KLF8: variants seen among roughly 807,000 people sequenced by gnomAD.
KLF8 encodes KLF transcription factor 8.
KLF8 carries 10 observed loss-of-function variants against 18.2 expected under a neutral mutation model. The observed-to-expected ratio is 0.55, with a 90% confidence interval of 0.34 to 0.93. The LOEUF is 0.93. KLF8 is among the 40% of genes least tolerant of loss of function. The probability of loss-of-function intolerance (pLI) is 0.02; values close to 1 mark genes in which losing one functional copy is unlikely to be tolerated. For missense variants in KLF8, 264 were observed against 277.9 expected, an observed-to-expected ratio of 0.95 and a Z score of 0.36; for synonymous variants, 109 against 97.3, an observed-to-expected ratio of 1.12 and a Z score of -0.71.
intron 1 of KLF8, among the ~76,000 whole-genome samples, chrX:56,239,186 T>C (rs2066514738): frequency 8.9e-6 from 1 of 112,012 alleles, no homozygotes. Flanking sequence ...TATTATTTTA[T>C]GCATAATTGT....
intron 3 of KLF8, chrX:56,266,704 T>C: frequency 1.3e-6 from 1 of 754,176 alleles, no homozygotes; most frequent in East Asian, 1.5e-4. Flanking sequence ...AGGAAAATTA[T>C]GTGGCCTCTA....
the KLF8 span, among the ~76,000 whole-genome samples, chrX:56,156,124 A>G: frequency 8.9e-6 from 1 of 112,163 alleles, no homozygotes; most frequent in Non-Finnish European, 1.9e-5. Context: ...ATTCAACTTC[A>G]TGTGTCTTGT....
At chrX:55,972,808 C>T in the KLF8 span, among the ~76,000 whole-genome samples, 3 of 111,580 alleles carry the variant, frequency 2.7e-5, no homozygotes, top group Non-Finnish European at 5.7e-5. Flanking sequence ...ATTTACAGAT[C>T]GAATTCTATT....
At chrX:56,153,326 G>A in the KLF8 span, among the ~76,000 whole-genome samples, 2 of 109,197 alleles carry the variant, frequency 1.8e-5, no homozygotes, top group Non-Finnish European at 3.8e-5. Context: ...CTGCGCTCTT[G>A]CATGGGGAAC....
the KLF8 span, among the ~76,000 whole-genome samples, chrX:56,213,279 GTTTTCTTTTCTTTTCTTTTCTTTTC>G: frequency 2.4e-5 from 1 of 40,852 alleles, no homozygotes; most frequent in East Asian, 8.3e-4. Context: ...TTTTTCTTTT[GTTTTCTTTTCTTTTCTTTTCTTTTC>G]TTTTCTTTTC....
the KLF8 span, among the ~76,000 whole-genome samples, chrX:56,178,187 T>A: frequency 1.8e-5 from 2 of 112,406 alleles, no homozygotes; most frequent in Non-Finnish European, 3.8e-5. Flanking sequence ...CTTCTTCTGC[T>A]TCGCTCACGC....
At chrX:56,173,946 G>C in the KLF8 span, among the ~76,000 whole-genome samples, 2 of 112,000 alleles carry the variant, frequency 1.8e-5, no homozygotes, top group African/African-American at 6.5e-5. Flanking sequence ...CATTGATTTT[G>C]TATCCTGAGA....
the KLF8 span, among the ~76,000 whole-genome samples, chrX:55,919,530 G>A: frequency 1.8e-5 from 2 of 111,715 alleles, no homozygotes; most frequent in African/African-American, 6.5e-5. Flanking sequence ...TGTTGGCGGG[G>A]GCATGGGGGA....
the KLF8 span, among the ~76,000 whole-genome samples, chrX:56,061,926 CT>C: frequency 1.9e-5 from 2 of 103,300 alleles, no homozygotes; most frequent in African/African-American, 7.9e-5. Flanking sequence ...TGTTCTTGGC[CT>C]TTTTTGATGT....
chrX:55,932,881 G>A, the KLF8 span, among the ~76,000 whole-genome samples: 1 of 111,318 alleles, frequency 9.0e-6, no homozygotes, highest in African/African-American at 3.3e-5. Context: ...TCTTTGTGGT[G>A]TGCACTGTAT....
the KLF8 span, among the ~76,000 whole-genome samples, chrX:56,154,060 C>T: frequency 9.0e-6 from 1 of 111,194 alleles, no homozygotes; most frequent in Non-Finnish European, 1.9e-5. Context: ...TGACTTTCTT[C>T]ACAGAATTGG....
chrX:55,947,333 T>C, the KLF8 span, among the ~76,000 whole-genome samples: 1 of 109,753 alleles, frequency 9.1e-6, no homozygotes, highest in Admixed American at 9.7e-5. Context: ...TCATGTCCTT[T>C]GTAGGGACAT....
At chrX:56,002,602 A>C in the KLF8 span, among the ~76,000 whole-genome samples, 4 of 111,943 alleles carry the variant, frequency 3.6e-5, no homozygotes, top group African/African-American at 1.3e-4. Context: ...AGGTATTCTT[A>C]AGCACCTATG....
the KLF8 span, among the ~76,000 whole-genome samples, chrX:55,989,162 A>G: frequency 9.0e-6 from 1 of 111,705 alleles, no homozygotes; most frequent in East Asian, 2.8e-4. Context: ...GGACAATTTG[A>G]CTTCCTCTTT....
At chrX:56,049,782 A>T in the KLF8 span, among the ~76,000 whole-genome samples, 24 of 110,680 alleles carry the variant, frequency 2.2e-4, no homozygotes, top group African/African-American at 7.6e-4. Context: ...CTGGCCTCAT[A>T]AAATGAGTTA....
At chrX:56,195,197 C>A in the KLF8 span, among the ~76,000 whole-genome samples, 1 of 112,296 alleles carries the variant, frequency 8.9e-6, no homozygotes, top group African/African-American at 3.2e-5. Flanking sequence ...CACAGCTCCT[C>A]AACAGCAACA....
intron 5 of KLF8, among the ~76,000 whole-genome samples, chrX:56,273,340 T>C (rs1039294565): frequency 9.4e-6 from 1 of 106,249 alleles, no homozygotes; most frequent in Non-Finnish European, 1.9e-5. Flanking sequence ...TTATACTCTT[T>C]TAGTTATTTT....
chrX:56,142,722 C>T, the KLF8 span, among the ~76,000 whole-genome samples: 1 of 111,881 alleles, frequency 8.9e-6, no homozygotes, highest in Non-Finnish European at 1.9e-5. Context: ...AACCTTCATT[C>T]TTCTCCATTT....
the KLF8 span, among the ~76,000 whole-genome samples, chrX:56,213,005 C>A: frequency 9.0e-6 from 1 of 111,607 alleles, no homozygotes. Context: ...TAATCAGAGT[C>A]CTGAAGACAG....
Sources: gnomAD v4.1 joint callset for allele counts (sites outside exome capture counted in the v4.1 genomes callset) on GRCh38, gnomAD v4.1.1 for gene constraint, MANE v1.5 for transcripts, NCBI Gene and HGNC (gene_info 2026-07-23, HGNC 2026-07-21) for gene names.